The following PCDH17 variants were observed in gnomAD, a reference collection of about 807,000 sequenced individuals.
The protein encoded by PCDH17 is protocadherin 17.
Under a neutral mutation model 67.7 loss-of-function variants are expected in PCDH17, and 21 were observed. The ratio of observed to expected loss-of-function variants is 0.31; its 90% confidence interval spans 0.22 to 0.45. The LOEUF (loss-of-function observed/expected upper bound fraction) is 0.45. Ranked by LOEUF, PCDH17 falls within the 20% of genes least tolerant of loss-of-function variation. PCDH17 has a pLI of 1.00. For missense variants in PCDH17, 1,471 were observed against 1,564.8 expected, an observed-to-expected ratio of 0.94 and a Z score of 1.01; for synonymous variants, 701 against 656.7, an observed-to-expected ratio of 1.07 and a Z score of -1.03.
intron 1 of PCDH17, among the ~76,000 whole-genome samples, chr13:57,653,923 C>T (rs1214086554): frequency 6.6e-6 from 1 of 152,146 alleles, no homozygotes; most frequent in Non-Finnish European, 1.5e-5. Flanking sequence ...AATCACCTAA[C>T]ACTGCAGTCC....
intron 3 of PCDH17, among the ~76,000 whole-genome samples, chr13:57,718,657 C>G (rs962084130): frequency 1.3e-5 from 2 of 151,930 alleles, no homozygotes; most frequent in South Asian, 2.1e-4. Context: ...AGTGTCAGTT[C>G]ACAGGATGTT....
intron 3 of PCDH17, among the ~76,000 whole-genome samples, chr13:57,694,380 A>T (rs1318492602): frequency 6.6e-6 from 1 of 151,226 alleles, no homozygotes; most frequent in Non-Finnish European, 1.5e-5. Flanking sequence ...CCAATGAGCA[A>T]TGAAGATGAA....
At chr13:57,677,574 C>T (rs921634412) in intron 3 of PCDH17, among the ~76,000 whole-genome samples, 1 of 151,662 alleles carries the variant, frequency 6.6e-6, no homozygotes, top group African/African-American at 2.4e-5. Flanking sequence ...TCAGTAAGAA[C>T]GGGAAAGCCA....
rs1593957095 is a variant in PCDH17 at position 57,727,553 on chromosome 13, T to C, written c.*2259T>C. 1 of 152,178 alleles carries C rather than the reference T, an allele frequency of 6.6e-6. No individual in the cohort carries two copies. Among genetic ancestry groups the C allele is most frequent in the Admixed American group, 6.6e-5 (1 of 15,254 alleles). 9.4% of individuals were successfully genotyped at this position (152,178 alleles called of 1,614,324 possible). ...GACAACTCCCATCAGCCTTATTCTC[T>C]TGAGAACTATATTTTGGTTCCTAGT... On this transcript the variant is annotated 3_prime_UTR_variant, in exon 4 of 4. Coordinates refer to ENST00000377918, the MANE Select transcript of PCDH17 (RefSeq NM_001040429.3).
In PCDH17 at chr13:57,634,582, T is replaced by A. The variant is rs1367403157; in HGVS notation, c.2036T>A (p.Leu679His). 1 of 1,613,212 alleles carries A rather than the reference T, an allele frequency of 6.2e-7. No individual in the cohort carries two copies. The highest frequency in any genetic ancestry group is 1.1e-5 in the South Asian group (1 of 91,070). ...GKPTLSAVAK[L>H]IIRSVSGSLP... The stretch of plus-strand genomic sequence containing the variant: ...CCTACCCTGTCCGCAGTGGCCAAGC[T>A]CATCATCCGCTCGGTGAGCGGATCC... Residue 679 changes from leucine to histidine, a missense_variant, in exon 1 of 4, where the codon CTC becomes CAC. By Grantham distance (99) the Leu-to-His change is moderately conservative (BLOSUM62 -3). Transcript: ENST00000377918. This position sits in a 1 kb window ranked among gnomAD's most constrained non-coding sequence, Gnocchi z 7.8.
At chr13:57,711,774 GAAT>G (rs148673669) in intron 3 of PCDH17, among the ~76,000 whole-genome samples, 9,218 of 150,976 alleles carry the variant, frequency 0.061, 316 homozygotes, top group Middle Eastern at 0.1. Context: ...AAAATAATCA[GAAT>G]AATAATATTT....
At chr13:57,654,364 A>G (rs1955079176) in intron 1 of PCDH17, among the ~76,000 whole-genome samples, 1 of 151,796 alleles carries the variant, frequency 6.6e-6, no homozygotes. Context: ...TGAGACAACC[A>G]TTGTTGTAAA....
chr13:57,720,676 A>C lies in PCDH17; in HGVS notation c.2798-3936A>C, dbSNP rs140622836. ...TTTTCTATTTTATTAACGAATTTTT[A>C]GTCTGTGTCTTGGAAAAAGCTAAGT... On this transcript the variant is annotated intron_variant, in intron 3 of 3. Coordinates refer to ENST00000377918, the MANE Select transcript of PCDH17 (RefSeq NM_001040429.3). Among the ~76,000 whole-genome samples, 727 of 152,144 alleles carry C rather than the reference A, an allele frequency of 4.8e-3. 5 individuals are homozygous for C. The highest frequency in any genetic ancestry group is 0.017 in the Middle Eastern group (5 of 294).
rs1248454250 is a variant in PCDH17, at chr13:57,662,947, CAAAG to C, written c.2566-3513_2566-3510del. Among the ~76,000 whole-genome samples the C allele has an allele frequency of 2.6e-5, 4 of 151,866 alleles. No homozygotes were observed. In the East Asian group the frequency reaches 5.8e-4, roughly 22 times the overall value. On this transcript the variant is annotated intron_variant, in intron 1 of 3. Transcript: ENST00000377918. ...CTAATTTTTTATTACCTTTAACACA[CAAAG>C]AAAGAAAACGAAAAAGATAGGAGAG... is the stretch of plus-strand genomic sequence containing the variant.
Position 57,688,403 on chromosome 13 carries a change from A to G in PCDH17, c.2797+21570A>G, listed in dbSNP as rs183834289. 7.2e-5 allele frequency among the ~76,000 whole-genome samples: 11 copies of G among 152,162 alleles called. No homozygotes were observed. In the East Asian group the frequency reaches 2.1e-3, roughly 29 times the overall value. ...TTTCCCTTTTGGTACTAATTGACAC[A>G]TTGACTAAATGACAATTGACATAAT... On this transcript the variant is annotated intron_variant, in intron 3 of 3. Coordinates refer to ENST00000377918, the MANE Select transcript of PCDH17 (RefSeq NM_001040429.3).
chr13:57,711,741 T>TAAAGGAA (rs1273137049), intron 3 of PCDH17, among the ~76,000 whole-genome samples: 3 of 151,542 alleles, frequency 2.0e-5, no homozygotes, highest in African/African-American at 7.2e-5. Context: ...TACTATAACA[T>TAAAGGAA]AATCATTTTG....
chr13:57,662,106 A>T (rs1346573097), intron 1 of PCDH17, among the ~76,000 whole-genome samples: 1 of 152,112 alleles, frequency 6.6e-6, no homozygotes, highest in Non-Finnish European at 1.5e-5. Context: ...GCCTCAAGTG[A>T]TCCACCCACC....
At chr13:57,704,902 A>G (rs764209069) in intron 3 of PCDH17, among the ~76,000 whole-genome samples, 5 of 152,108 alleles carry the variant, frequency 3.3e-5, no homozygotes, top group Non-Finnish European at 5.9e-5. Flanking sequence ...TACTATAAGT[A>G]CATATACATT....
At chr13:57,715,249 C>T (rs1259341814) in intron 3 of PCDH17, among the ~76,000 whole-genome samples, 1 of 151,788 alleles carries the variant, frequency 6.6e-6, no homozygotes, top group Non-Finnish European at 1.5e-5. Context: ...TGAAAACTGA[C>T]ATTATGATCT....
intron 1 of PCDH17, among the ~76,000 whole-genome samples, chr13:57,644,608 T>C (rs1247225339): frequency 6.6e-6 from 1 of 151,612 alleles, no homozygotes; most frequent in African/African-American, 2.4e-5. Context: ...CTTGGGCAGA[T>C]GTGTGAAAAT....
At chr13:57,719,817 G>A (rs1955858245) in intron 3 of PCDH17, among the ~76,000 whole-genome samples, 1 of 151,854 alleles carries the variant, frequency 6.6e-6, no homozygotes, top group Non-Finnish European at 1.5e-5. Flanking sequence ...GTTTTTCCCT[G>A]AGCTTTCCAC....
intron 3 of PCDH17, among the ~76,000 whole-genome samples, chr13:57,709,094 A>G (rs1439434830): frequency 2.8e-5 from 4 of 143,474 alleles, no homozygotes; most frequent in Non-Finnish European, 6.1e-5. Context: ...TGTTACAGAA[A>G]TATATATATG....
In PCDH17 at chr13:57,634,295, C is replaced by T; in HGVS notation, c.1749C>T (p.Ile583=). The T allele has an allele frequency of 1.2e-6, 2 of 1,613,110 alleles. No individual in the cohort carries two copies. The highest frequency in any genetic ancestry group is 1.7e-6 in the Non-Finnish European group (2 of 1,180,014). ...ACGTGAATGACAACGCGCCAGTGAT[C>T]GTGCTCCCCACGCTGCAGAACGACA... is the stretch of plus-strand genomic sequence containing the variant. ...VLDVNDNAPV[I]VLPTLQNDTA... is the part of the protein sequence containing the mutation. Residue 583 remains isoleucine, a synonymous_variant, in exon 1 of 4, where the codon ATC becomes ATT. Transcript: ENST00000377918. The surrounding 1 kb of genome is among the most constrained non-coding windows in gnomAD (Gnocchi z 7.8).
chr13:57,705,130 A>G (rs1377570238), intron 3 of PCDH17, among the ~76,000 whole-genome samples: 1 of 151,950 alleles, frequency 6.6e-6, no homozygotes, highest in Non-Finnish European at 1.5e-5. Flanking sequence ...TAGATATAAA[A>G]CCCAAAAGAA....
Sources: gnomAD v4.1 joint callset for allele counts (sites outside exome capture counted in the v4.1 genomes callset) on GRCh38, gnomAD v4.1.1 for gene constraint, Gnocchi (gnomAD v3.1) non-coding constraint, MANE v1.5 for transcripts, NCBI Gene and HGNC (gene_info 2026-07-23, HGNC 2026-07-21) for gene names.